The following FOCAD variants were observed in gnomAD, a reference collection of about 807,000 sequenced individuals.
The protein encoded by FOCAD is focadhesin.
Under a neutral mutation model 225.6 loss-of-function variants are expected in FOCAD, and 198 were observed. The ratio of observed to expected loss-of-function variants is 0.88; its 90% CI spans 0.78 to 0.99. The LOEUF is 0.99. Among genes scored for constraint, FOCAD ranks in the 50% least tolerant of loss-of-function variants. The pLI is 0.00. For synonymous variants in FOCAD, 897 were observed against 755.0 expected (o/e 1.19, Z -3.08); for missense variants, 2,713 against 2,123.6 (o/e 1.28, Z -5.46).
chr9:20,676,455 A>G (rs7867822), intron 2 of FOCAD, among the ~76,000 whole-genome samples: 98,150 of 152,010 alleles, frequency 0.65, 32,059 homozygotes, highest in South Asian at 0.75. Flanking sequence ...GGCAGACTTC[A>G]TCATGTTTCT....
intron 25 of FOCAD, among the ~76,000 whole-genome samples, chr9:20,924,138 T>G (rs1301275505): frequency 6.6e-6 from 1 of 151,942 alleles, no homozygotes; most frequent in Non-Finnish European, 1.5e-5. Flanking sequence ...TACTTTGCAT[T>G]TTAATTGTAT....
Position 20,933,070 on chromosome 9 carries a change from A to G in FOCAD, c.3374A>G (p.Glu1125Gly), listed in dbSNP as rs1564171238. 6.2e-7 allele frequency: 1 copy of G among 1,614,036 alleles called. No homozygotes were observed. The highest frequency in any genetic ancestry group is 1.7e-5 in the Admixed American group (1 of 60,018). The change falls in exon 28 of 44, where the codon GAA (glutamate) becomes GGA (glycine). Residue 1125 changes from glutamate (E) to glycine (G), a missense_variant. By Grantham distance (98) the Glu-to-Gly change is moderately conservative. Transcript: ENST00000338382. The part of the protein sequence containing the change: ...LLLMKSLDAL[E>G]NCCFDTSLEY... ...CTGATGAAGTCGTTGGATGCCCTGG[A>G]AAATTGCTGCTTTGACACTAGTCTT...
intron 39 of FOCAD, among the ~76,000 whole-genome samples, chr9:20,984,354 G>C (rs1037105179): frequency 6.6e-6 from 1 of 152,112 alleles, no homozygotes; most frequent in Non-Finnish European, 1.5e-5. Flanking sequence ...TTAGTCTCAG[G>C]AACACTTTAG....
intron 43 of FOCAD, 115 bp from the exon 44 acceptor site, chr9:20,995,441 G>T: frequency 1.7e-6 from 1 of 593,500 alleles, no homozygotes; most frequent in South Asian, 2.7e-5. Context: ...AATATCGATG[G>T]AACTCCCTAG....
chr9:20,874,437 G>A (rs1830055630), intron 18 of FOCAD: 1 of 386,176 alleles, frequency 2.6e-6, no homozygotes, highest in Non-Finnish European at 4.6e-6. Context: ...GTGATTTACT[G>A]TATTAACATA....
chr9:20,682,267 A>C (rs1822421767), upstream of FOCAD, among the ~76,000 whole-genome samples: 1 of 152,230 alleles, frequency 6.6e-6, no homozygotes, highest in African/African-American at 2.4e-5. Context: ...GAACATAATA[A>C]GACGGTGTCA....
At chr9:20,848,130 G>A (rs1446559767) in intron 15 of FOCAD, among the ~76,000 whole-genome samples, 1 of 151,820 alleles carries the variant, frequency 6.6e-6, no homozygotes, top group Non-Finnish European at 1.5e-5. Flanking sequence ...GTTTTACATG[G>A]TATGGAATCC....
intron 15 of FOCAD, 99 bp downstream of exon 15, chr9:20,823,214 T>A: frequency 7.7e-7 from 1 of 1,291,356 alleles, no homozygotes; most frequent in Non-Finnish European, 1.0e-6. Context: ...AACTGAAGTC[T>A]GAGTGTTCAT....
At chr9:20,722,296 C>T (rs1055210721) in intron 4 of FOCAD, among the ~76,000 whole-genome samples, 1 of 152,026 alleles carries the variant, frequency 6.6e-6, no homozygotes, top group Non-Finnish European at 1.5e-5. Flanking sequence ...GTTATGTTTC[C>T]CCCCATGAAC....
At chr9:20,979,321 A>G (rs1220846619) in intron 37 of FOCAD, among the ~76,000 whole-genome samples, 3 of 151,994 alleles carry the variant, frequency 2.0e-5, no homozygotes, top group African/African-American at 7.3e-5. Flanking sequence ...CTTTGTCCCT[A>G]TTCAGCCTTG....
chr9:20,776,337 A>C (rs969029124), intron 8 of FOCAD, among the ~76,000 whole-genome samples: 2 of 152,210 alleles, frequency 1.3e-5, no homozygotes, highest in African/African-American at 4.8e-5. Flanking sequence ...ATTAGGTTGC[A>C]CCTGTGCAGA....
chr9:20,846,529 A>C (rs1206145684), intron 15 of FOCAD, among the ~76,000 whole-genome samples: 1 of 152,074 alleles, frequency 6.6e-6, no homozygotes, highest in Non-Finnish European at 1.5e-5. Flanking sequence ...CTTTAATTCT[A>C]ATATTAGGCC....
At position 20,993,241 on chromosome 9, in the gene FOCAD, T is replaced by G; in HGVS notation, c.5257-12T>G. 1 of 1,611,136 alleles carries G rather than the reference T, an allele frequency of 6.2e-7. No homozygotes were observed. Among genetic ancestry groups the G allele is most frequent in the Non-Finnish European group, 8.5e-7 (1 of 1,177,424 alleles). ...TTCTCTTCTTTGACACTATTTTTCA[T>G]TTTTACCCTAGTTCATTGACTGGCT... On this transcript the variant is annotated splice_polypyrimidine_tract_variant and intron_variant, in intron 42 of 43. Transcript: ENST00000338382.
At chr9:20,796,812 T>C (rs1821164141) in intron 11 of FOCAD, among the ~76,000 whole-genome samples, 1 of 151,668 alleles carries the variant, frequency 6.6e-6, no homozygotes, top group Admixed American at 6.6e-5. Flanking sequence ...AGAAGCTCTT[T>C]AGTTCAATTA....
chr9:20,762,591 A>C (rs1477890859), intron 6 of FOCAD, among the ~76,000 whole-genome samples: 3 of 152,206 alleles, frequency 2.0e-5, no homozygotes, highest in Non-Finnish European at 4.4e-5. Flanking sequence ...TCTTAATGGC[A>C]TTTTGAAATC....
intron 39 of FOCAD, among the ~76,000 whole-genome samples, chr9:20,983,715 T>C (rs538493583): frequency 6.6e-6 from 1 of 152,268 alleles, no homozygotes; most frequent in East Asian, 1.9e-4. Flanking sequence ...CTCTGCAATT[T>C]GCTAGCAATG....
At chr9:20,946,277 A>G (rs1227724897) in intron 29 of FOCAD, among the ~76,000 whole-genome samples, 3 of 152,108 alleles carry the variant, frequency 2.0e-5, no homozygotes, top group Non-Finnish European at 4.4e-5. Flanking sequence ...ACTTCTTTGA[A>G]TTTCCTATCC....
chr9:20,657,104 C>T (rs994610547), upstream of FOCAD, among the ~76,000 whole-genome samples: 61 of 152,224 alleles, frequency 4.0e-4, no homozygotes, highest in Non-Finnish European at 6.5e-4. Context: ...TGAATATTGG[C>T]CCCCACTCTC....
At chr9:20,862,836 T>C (rs981544627) in intron 16 of FOCAD, 124 bp downstream of exon 16, 7 of 1,120,826 alleles carry the variant, frequency 6.2e-6, no homozygotes, top group Admixed American at 2.5e-5. Flanking sequence ...ACCATGTTGA[T>C]ATGTTTATGG....
Sources: allele counts gnomAD v4.1 joint callset (sites outside exome capture counted in the v4.1 genomes callset), GRCh38; gene constraint gnomAD v4.1.1; transcripts MANE v1.5; gene names NCBI Gene and HGNC (gene_info 2026-07-23, HGNC 2026-07-21).